The following SORCS2 variants were observed in gnomAD, a reference collection of about 807,000 sequenced individuals.
The protein encoded by SORCS2 is sortilin related VPS10 domain containing receptor 2.
SORCS2 carries 100 observed loss-of-function variants against 141.6 expected under a neutral mutation model. That is an observed-to-expected ratio of 0.71 (90% confidence interval 0.60 to 0.83). The LOEUF (loss-of-function observed/expected upper bound fraction) is 0.83, where lower values mean the gene tolerates loss of function less well. Ranked by LOEUF, SORCS2 falls within the 40% of genes least tolerant of loss-of-function variation. The pLI is 0.00. For synonymous variants in SORCS2, 789 were observed against 676.9 expected, an observed-to-expected ratio of 1.17 and a Z score of -2.57; for missense variants, 1,646 against 1,560.2, an observed-to-expected ratio of 1.05 and a Z score of -0.93.
At chr4:7,237,831 A>G (rs1712394754) in intron 1 of SORCS2, among the ~76,000 whole-genome samples, 1 of 151,864 alleles carries the variant, frequency 6.6e-6, no homozygotes, top group African/African-American at 2.4e-5. Flanking sequence ...CTTCTGCTTG[A>G]CATACTCTAT....
intron 5 of SORCS2, among the ~76,000 whole-genome samples, chr4:7,655,106 G>C (rs1205500810): frequency 2.0e-5 from 3 of 152,290 alleles, no homozygotes; most frequent in African/African-American, 7.2e-5. Flanking sequence ...CCTCTCTCCT[G>C]CTGGGGCCAT....
chr4:7,665,015 T>G (rs888448892), intron 7 of SORCS2, among the ~76,000 whole-genome samples: 7 of 152,204 alleles, frequency 4.6e-5, no homozygotes, highest in African/African-American at 1.4e-4. Context: ...AGCCCTCTGC[T>G]GAGTAGCCCG....
chr4:7,480,900 G>A (rs572671245), intron 2 of SORCS2, among the ~76,000 whole-genome samples: 5 of 152,352 alleles, frequency 3.3e-5, no homozygotes, highest in African/African-American at 1.2e-4. Flanking sequence ...CGAAATGAGT[G>A]TTCCCTTTTC....
In SORCS2 at chr4:7,740,384, C is replaced by T. The variant is rs1712568641; in HGVS notation, c.*120C>T. The T allele has an allele frequency of 2.2e-5, 19 of 881,430 alleles. No individual in the cohort carries two copies. Among genetic ancestry groups the T allele is most frequent in the Non-Finnish European group, 3.2e-5 (18 of 558,654 alleles). The allele number at this position is 881,430 out of a possible 1,614,324, so 54.6% of individuals were successfully genotyped here. ...GCCCCCTCCCTGAGTCGTCGCCACA[C>T]CAGGCGACAGGCACCACCCCCTCTG... is the stretch of plus-strand genomic sequence containing the variant. On this transcript the variant is annotated 3_prime_UTR_variant, in exon 27 of 27. Coordinates refer to ENST00000507866, the MANE Select transcript of SORCS2 (RefSeq NM_020777.3).
At chr4:7,577,650 G>A (rs2108753227) in intron 3 of SORCS2, among the ~76,000 whole-genome samples, 1 of 150,694 alleles carries the variant, frequency 6.6e-6, no homozygotes, top group South Asian at 2.1e-4. Flanking sequence ...CTAGTGCCAT[G>A]GTTTGGAGAA....
intron 1 of SORCS2, among the ~76,000 whole-genome samples, chr4:7,332,892 C>T (rs1342184762): frequency 6.6e-6 from 1 of 152,236 alleles, no homozygotes; most frequent in African/African-American, 2.4e-5. Context: ...CCAGCTCAGC[C>T]TTTTACCAGA....
chr4:7,484,388 C>T (rs1414527251), intron 2 of SORCS2, among the ~76,000 whole-genome samples: 1 of 152,144 alleles, frequency 6.6e-6, no homozygotes, highest in Non-Finnish European at 1.5e-5. Context: ...TATCTTCCTC[C>T]TATTTTATGA....
rs1037629218 is a variant in SORCS2 at position 7,725,095 on chromosome 4, C to T, written c.2612-59C>T. 3.2e-5 allele frequency: 50 copies of T among 1,558,976 alleles called. No individual in the cohort carries two copies. The Admixed American group carries it at 8.5e-4, about 26-fold the overall frequency. On this transcript the variant is annotated intron_variant, in intron 19 of 26. Coordinates refer to ENST00000507866, the MANE Select transcript of SORCS2 (RefSeq NM_020777.3). ...GCTGGTGACAGTGATCACTAAGCAGCCTCTGAAATGCCCCATGCCCTGATA... is the reference window on the plus strand; with the variant it reads ...GCTGGTGACAGTGATCACTAAGCAGTCTCTGAAATGCCCCATGCCCTGATA...
At chr4:7,669,785 A>C (rs1722691882) in intron 8 of SORCS2, among the ~76,000 whole-genome samples, 1 of 152,188 alleles carries the variant, frequency 6.6e-6, no homozygotes, top group Non-Finnish European at 1.5e-5. Context: ...CATATGCAAA[A>C]GGGCTTTTAC....
chr4:7,434,275 A>G, intron 2 of SORCS2: 1 of 1,613,226 alleles, frequency 6.2e-7, no homozygotes, highest in South Asian at 1.1e-5. Flanking sequence ...GGCCAAGGTC[A>G]AGTTGGACCG....
intron 3 of SORCS2, among the ~76,000 whole-genome samples, chr4:7,593,642 C>T (rs1019478039): frequency 6.6e-6 from 1 of 151,928 alleles, no homozygotes; most frequent in Non-Finnish European, 1.5e-5. Context: ...CAGCCGAAAC[C>T]TGGCCAACCT....
chr4:7,223,974 A>C (rs1324852273), intron 1 of SORCS2, among the ~76,000 whole-genome samples: 1 of 152,258 alleles, frequency 6.6e-6, no homozygotes. Context: ...TAGGAACTCA[A>C]TGGCTGTTGC....
At chr4:7,720,219 G>A (rs1726498081) in intron 18 of SORCS2, among the ~76,000 whole-genome samples, 1 of 152,180 alleles carries the variant, frequency 6.6e-6, no homozygotes, top group South Asian at 2.1e-4. Flanking sequence ...TTAAAAATAA[G>A]GTCTGATAGA....
At position 7,451,275 on chromosome 4, in the gene SORCS2, TCAGCAG is replaced by T. The variant is rs1208142197; in HGVS notation, c.548+54934_548+54939del. ...TGGCCTGGGGCCTGGGCCTAGGTCT[TCAGCAG>T]CAGCAGCAGCAGCGGCAGTGGGGCC... On this transcript the variant is annotated intron_variant, in intron 2 of 26. Coordinates refer to ENST00000507866, the MANE Select transcript of SORCS2 (RefSeq NM_020777.3). Among the ~76,000 whole-genome samples, 10 of 152,312 alleles carry T rather than the reference TCAGCAG, an allele frequency of 6.6e-5. No individual in the cohort carries two copies. In the South Asian group the frequency reaches 1.4e-3, roughly 22 times the overall value.
chr4:7,689,333 C>G (rs1724068303), intron 10 of SORCS2, among the ~76,000 whole-genome samples, 153 bp from the exon 11 acceptor site: 1 of 152,220 alleles, frequency 6.6e-6, no homozygotes, highest in Non-Finnish European at 1.5e-5. Flanking sequence ...CAGCCTCACA[C>G]CTGCTTCCCA....
chr4:7,657,388 GTAAA>G (rs202185912), intron 5 of SORCS2, among the ~76,000 whole-genome samples: 9 of 93,964 alleles, frequency 9.6e-5, no homozygotes, highest in Middle Eastern at 6.7e-3. Context: ...AAATGGATGA[GTAAA>G]TAACTGAGTG....
chr4:7,207,992 C>T (rs775322548), intron 1 of SORCS2, among the ~76,000 whole-genome samples: 2 of 152,052 alleles, frequency 1.3e-5, no homozygotes, highest in African/African-American at 2.4e-5. Context: ...TTGTCTGGGG[C>T]GGGAAGGGAG....
chr4:7,708,267 G>C (rs1439934817), intron 14 of SORCS2, among the ~76,000 whole-genome samples: 1 of 152,206 alleles, frequency 6.6e-6, no homozygotes, highest in Non-Finnish European at 1.5e-5. Flanking sequence ...TAGAGGCCTG[G>C]CTTCCGCCCA....
At chr4:7,460,814 A>G (rs1383022790) in intron 2 of SORCS2, among the ~76,000 whole-genome samples, 1 of 152,124 alleles carries the variant, frequency 6.6e-6, no homozygotes, top group African/African-American at 2.4e-5. Context: ...GCATTTTCAC[A>G]TCTGTGGCCG....
Sources: gnomAD v4.1 joint callset for allele counts (sites outside exome capture counted in the v4.1 genomes callset) on GRCh38, gnomAD v4.1.1 for gene constraint, MANE v1.5 for transcripts, NCBI Gene and HGNC (gene_info 2026-07-23, HGNC 2026-07-21) for gene names.